The following UBR1 variants were observed in gnomAD, a reference collection of about 807,000 sequenced individuals.
UBR1 encodes ubiquitin protein ligase E3 component n-recognin 1.
Under a neutral mutation model 242.1 loss-of-function variants are expected in UBR1, and 102 were observed. The observed-to-expected ratio is 0.42, with a 90% CI of 0.36 to 0.50. The LOEUF (loss-of-function observed/expected upper bound fraction) is 0.50. Ranked by LOEUF, UBR1 falls within the 20% of genes least tolerant of loss-of-function variation. The pLI is 0.01. For synonymous variants in UBR1, 675 were observed against 684.8 expected (o/e 0.99, Z 0.22); for missense variants, 1,772 against 2,101.8 (o/e 0.84, Z 3.07).
chr15:42,998,818 A>G (rs1254932694), intron 32 of UBR1, among the ~76,000 whole-genome samples: 1 of 152,144 alleles, frequency 6.6e-6, no homozygotes, highest in Non-Finnish European at 1.5e-5. Flanking sequence ...ATAGGATCAT[A>G]TAACTTCTAA....
intron 25 of UBR1, 96 bp downstream of exon 25, chr15:43,024,733 T>G: frequency 6.4e-7 from 1 of 1,550,756 alleles, no homozygotes; most frequent in Non-Finnish European, 8.9e-7. Context: ...TCCGGTGCTC[T>G]AGATGTGGTT....
intron 27 of UBR1, among the ~76,000 whole-genome samples, chr15:43,020,385 G>A (rs1258093397): frequency 6.6e-6 from 1 of 152,170 alleles, no homozygotes; most frequent in Non-Finnish European, 1.5e-5. Context: ...AGACTGATGA[G>A]CAAGTACTAT....
chr15:42,961,258 A>G, intron 42 of UBR1, among the ~76,000 whole-genome samples: 1 of 151,128 alleles, frequency 6.6e-6, no homozygotes, highest in East Asian at 2.0e-4. Context: ...GACTACAAGC[A>G]CACACCACCA....
intron 15 of UBR1, among the ~76,000 whole-genome samples, chr15:43,041,643 TATGACAC>T (rs1325228766): frequency 1.3e-5 from 2 of 152,028 alleles, no homozygotes; most frequent in African/African-American, 4.8e-5. Context: ...GTTTTTTGGA[TATGACAC>T]CAAAAGCACA....
At position 43,043,481 on chromosome 15, in the gene UBR1, G is replaced by A. The variant is rs951025027; in HGVS notation, c.1669-86C>T. The A allele has an allele frequency of 1.2e-4, 153 of 1,305,320 alleles. No homozygotes were observed. The African/African-American group carries it at 1.9e-3, about 16-fold the overall frequency. The allele number at this position is 1,305,320 out of a possible 1,614,324, so 80.9% of individuals were successfully genotyped here. On this transcript the variant is annotated intron_variant, in intron 14 of 46. Transcript: ENST00000290650. ...TTGTTTTGAGACAGCCTGTCCTGTG[G>A]CCTAGGCTGGAGTACAGTGGCATAA...
intron 32 of UBR1, among the ~76,000 whole-genome samples, chr15:43,000,208 T>G (rs1271982859): frequency 6.6e-6 from 1 of 152,192 alleles, no homozygotes; most frequent in African/African-American, 2.4e-5. Flanking sequence ...AGTCGAAGTA[T>G]CTAATAAAAC....
chr15:43,051,403 A>C (rs2033553233), intron 12 of UBR1, among the ~76,000 whole-genome samples: 2 of 152,212 alleles, frequency 1.3e-5, no homozygotes, highest in Admixed American at 6.5e-5. Flanking sequence ...GGGGAACAAC[A>C]CACACTGGGG....
intron 9 of UBR1, 152 bp downstream of exon 9, chr15:43,058,933 C>T (rs1194395617): frequency 2.8e-6 from 2 of 706,128 alleles, no homozygotes; most frequent in African/African-American, 3.6e-5. Flanking sequence ...TACATACTGA[C>T]TGGTTAAACT....
At position 43,043,121 on chromosome 15, in the gene UBR1, T is replaced by C. The variant is rs552539704; in HGVS notation, c.1849+94A>G. Reference sequence around the variant, plus strand: ...TCTGACCTGAGCATGTCTGTACATATTGAGCACAGAACAAAAATAGAAATG... The same window carrying C: ...TCTGACCTGAGCATGTCTGTACATACTGAGCACAGAACAAAAATAGAAATG... On this transcript the variant is annotated intron_variant, in intron 15 of 46. Coordinates refer to ENST00000290650, the MANE Select transcript of UBR1 (RefSeq NM_174916.3). 15 of 1,388,700 alleles carry C rather than the reference T, an allele frequency of 1.1e-5. No homozygotes were observed. The African/African-American group carries it at 1.7e-4, about 16-fold the overall frequency. 86.0% of individuals were successfully genotyped at this position (1,388,700 alleles called of 1,614,324 possible). A position where few individuals can be genotyped will look rare whatever the true frequency, so the allele number is the denominator to read the frequency against.
intron 27 of UBR1, 57 bp downstream of exon 27, chr15:43,021,218 G>T: frequency 6.9e-7 from 1 of 1,446,080 alleles, no homozygotes; most frequent in Non-Finnish European, 9.7e-7. Context: ...CTGGAGGCAA[G>T]CAGAGAATTC....
intron 31 of UBR1, 24 bp downstream of exon 31, chr15:43,003,813 G>A (rs2032762353): frequency 6.2e-7 from 1 of 1,611,252 alleles, no homozygotes; most frequent in Non-Finnish European, 8.5e-7. Flanking sequence ...TCTCTTTCAA[G>A]AACATGTCAG....
intron 28 of UBR1, among the ~76,000 whole-genome samples, chr15:43,016,781 T>TG (rs1400599470): frequency 6.6e-6 from 1 of 152,256 alleles, no homozygotes; most frequent in African/African-American, 2.4e-5. Context: ...TTGGCCATGT[T>TG]GGCCAGGCTG....
At chr15:43,010,674 T>C (rs1254990148) in intron 29 of UBR1, among the ~76,000 whole-genome samples, 1 of 151,768 alleles carries the variant, frequency 6.6e-6, no homozygotes, top group African/African-American at 2.4e-5. Flanking sequence ...CAAGAGGAAA[T>C]ATAACTATGT....
chr15:43,034,529 A>C (rs1474437887), intron 19 of UBR1, among the ~76,000 whole-genome samples: 2 of 152,140 alleles, frequency 1.3e-5, no homozygotes, highest in African/African-American at 4.8e-5. Flanking sequence ...ATAGATGTAC[A>C]TACTGAAAGA....
At chr15:42,974,123 C>CGT (rs1394721477) in intron 39 of UBR1, among the ~76,000 whole-genome samples, 3 of 152,068 alleles carry the variant, frequency 2.0e-5, no homozygotes, top group Admixed American at 2.0e-4. Context: ...CTCCTGACCT[C>CGT]GTGATCTACA....
In UBR1 at chr15:43,047,206, T is replaced by C. The variant is rs1187620911; in HGVS notation, c.1623A>G (p.Gln541=). The change falls in exon 14 of 47, where the codon CAA becomes CAG. Residue 541 remains glutamine, a synonymous_variant. Coordinates refer to ENST00000290650, the MANE Select transcript of UBR1 (RefSeq NM_174916.3). ...GGAACATGAGTAAAATATTCTTCAA[T>C]TGCATCTGTATAGCAATGGCAGCCT... ...DWEAAIAIQM[Q]LKNILLMFQE... is the part of the protein sequence containing the mutation. 5 of 1,614,194 alleles carry C rather than the reference T, an allele frequency of 3.1e-6. No homozygotes were observed. The highest frequency in any genetic ancestry group is 1.6e-4 in the Middle Eastern group (1 of 6,062).
At chr15:43,062,242 G>A (rs1323497275) in intron 6 of UBR1, among the ~76,000 whole-genome samples, 3 of 152,068 alleles carry the variant, frequency 2.0e-5, no homozygotes, top group Admixed American at 1.3e-4. Flanking sequence ...CAACCCAAGC[G>A]TCCACTGACA....
At chr15:43,034,572 A>G (rs929495551) in intron 19 of UBR1, among the ~76,000 whole-genome samples, 2 of 152,170 alleles carry the variant, frequency 1.3e-5, no homozygotes, top group Non-Finnish European at 2.9e-5. Flanking sequence ...TCTGAGAGCA[A>G]TTTGACAATA....
intron 42 of UBR1, among the ~76,000 whole-genome samples, chr15:42,961,310 A>C (rs1204013082): frequency 1.3e-5 from 2 of 148,774 alleles, no homozygotes; most frequent in African/African-American, 2.5e-5. Flanking sequence ...ACAGGGTTTC[A>C]CCATGTTGGC....
Sources: allele counts gnomAD v4.1 joint callset (sites outside exome capture counted in the v4.1 genomes callset), GRCh38; gene constraint gnomAD v4.1.1; transcripts MANE v1.5; gene names NCBI Gene and HGNC (gene_info 2026-07-23, HGNC 2026-07-21).